CUX2: variants seen among roughly 807,000 people sequenced by gnomAD.
The protein encoded by CUX2 is homeobox protein cut-like 2.
CUX2 carries 40 observed loss-of-function variants against 144.8 expected under a neutral mutation model. The observed-to-expected ratio is 0.28, with a 90% CI of 0.21 to 0.36. CUX2 has a LOEUF of 0.36. CUX2 is among the 10% of genes least tolerant of loss of function. CUX2 has a pLI of 1.00. For synonymous variants in CUX2, 827 were observed against 875.6 expected, an observed-to-expected ratio of 0.94 and a Z score of 0.98; for missense variants, 1,615 against 1,994.0, an observed-to-expected ratio of 0.81 and a Z score of 3.62.
intron 1 of CUX2, among the ~76,000 whole-genome samples, chr12:111,128,285 G>A (rs917799138): frequency 5.3e-5 from 8 of 152,162 alleles, no homozygotes; most frequent in Non-Finnish European, 1.2e-4. Flanking sequence ...TCCCTTCACC[G>A]CAGTCCTTCA....
chr12:111,286,625 C>T (rs544056201), intron 4 of CUX2, among the ~76,000 whole-genome samples: 5 of 152,086 alleles, frequency 3.3e-5, no homozygotes, highest in South Asian at 4.2e-4. Context: ...GTAATTCTAG[C>T]GCATTGGGAG....
At chr12:111,325,160 G>A (rs1171551952) in intron 18 of CUX2, among the ~76,000 whole-genome samples, 1 of 152,036 alleles carries the variant, frequency 6.6e-6, no homozygotes, top group East Asian at 1.9e-4. Flanking sequence ...CGGGCGTGGT[G>A]GCAGGCGCCT....
At chr12:111,217,307 G>A (rs1200844732) in intron 2 of CUX2, among the ~76,000 whole-genome samples, 2 of 152,222 alleles carry the variant, frequency 1.3e-5, no homozygotes, top group South Asian at 2.1e-4. Context: ...GAAACTGCAC[G>A]TTCTGGTGAG....
At chr12:111,276,440 G>A (rs972752801) in intron 4 of CUX2, among the ~76,000 whole-genome samples, 3 of 152,178 alleles carry the variant, frequency 2.0e-5, no homozygotes, top group Non-Finnish European at 4.4e-5. Context: ...CACAGCAGAA[G>A]TTATAAAGGG....
intron 1 of CUX2, among the ~76,000 whole-genome samples, chr12:111,095,145 G>A (rs2136059982): frequency 1.3e-5 from 2 of 152,270 alleles, no homozygotes; most frequent in South Asian, 4.1e-4. Context: ...TTTTCCTGGG[G>A]TGGGAACAGC....
At position 111,088,655 on chromosome 12, in the gene CUX2, G is replaced by C. The variant is rs1409492904; in HGVS notation, c.63+54415G>C. On this transcript the variant is annotated intron_variant, in intron 1 of 21. Coordinates refer to ENST00000261726, the MANE Select transcript of CUX2 (RefSeq NM_015267.4). ...ATTTTTCAGAGAAGGAAAAGGCTCA[G>C]AGAGCTTAAGGGACTTGTCTGAAGA... Among the ~76,000 whole-genome samples the C allele has an allele frequency of 1.3e-5, 2 of 152,204 alleles. 1 individual carries two copies. The highest frequency in any genetic ancestry group is 2.9e-5 in the Non-Finnish European group (2 of 68,042).
intron 3 of CUX2, among the ~76,000 whole-genome samples, chr12:111,237,226 T>C (rs1380131324): frequency 6.6e-6 from 1 of 152,104 alleles, no homozygotes; most frequent in Non-Finnish European, 1.5e-5. Context: ...ATTATATCCA[T>C]CCCCCATCAC....
intron 1 of CUX2, among the ~76,000 whole-genome samples, chr12:111,060,317 C>T (rs531431040): frequency 1.3e-5 from 2 of 152,352 alleles, no homozygotes; most frequent in African/African-American, 4.8e-5. Flanking sequence ...TGTCTTACAT[C>T]CAGACTTGGC....
chr12:111,130,209 C>T (rs1875378076), intron 1 of CUX2, among the ~76,000 whole-genome samples: 2 of 152,324 alleles, frequency 1.3e-5, no homozygotes, highest in Admixed American at 6.5e-5. Flanking sequence ...TCAAAGGGTT[C>T]TGGGTCTATA....
chr12:111,257,712 C>T (rs997067925), intron 3 of CUX2, among the ~76,000 whole-genome samples: 1 of 140,790 alleles, frequency 7.1e-6, no homozygotes, highest in Non-Finnish European at 1.6e-5. Flanking sequence ...CCTCATTCTC[C>T]ATCTTCCTCC....
intron 1 of CUX2, among the ~76,000 whole-genome samples, chr12:111,152,911 C>G (rs1372474789): frequency 6.6e-6 from 1 of 152,188 alleles, no homozygotes; most frequent in Admixed American, 6.5e-5. Flanking sequence ...TTCTGGGAAA[C>G]AGAACCAAAG....
chr12:111,210,846 C>G (rs933569572), intron 1 of CUX2, among the ~76,000 whole-genome samples: 4 of 151,822 alleles, frequency 2.6e-5, no homozygotes, highest in Non-Finnish European at 5.9e-5. Context: ...CTTTACACAT[C>G]CATATCATTT....
At chr12:111,184,596 A>AT in intron 1 of CUX2, among the ~76,000 whole-genome samples, 1 of 150,818 alleles carries the variant, frequency 6.6e-6, no homozygotes, top group East Asian at 1.9e-4. Flanking sequence ...AAAAAAAAAA[A>AT]AAACAGAAAA....
rs145051500 is a variant in CUX2 at position 111,252,461 on chromosome 12, G to A, written c.223-11300G>A. Among the ~76,000 whole-genome samples, 8 of 152,230 alleles carry A rather than the reference G, an allele frequency of 5.3e-5. No homozygotes were observed. The East Asian group carries it at 1.5e-3, about 29-fold the overall frequency. ...CAAGACAAGTGCTGGGACTTCTGGG[G>A]CACATCCTGGGCCTCTGTCCCCTCC... On this transcript the variant is annotated intron_variant, in intron 3 of 21. Coordinates refer to ENST00000261726, the MANE Select transcript of CUX2 (RefSeq NM_015267.4).
Position 111,320,286 on chromosome 12 carries a change from C to G in CUX2, c.2277C>G (p.Leu759=), listed in dbSNP as rs1313395324. Residue 759 remains leucine (L), a synonymous_variant, in exon 17 of 22, where the codon CTC becomes CTG. Transcript: ENST00000261726. This position sits in a 1 kb window ranked among gnomAD's most constrained non-coding sequence, Gnocchi z 8.1. The part of the protein sequence containing the change: ...EGSGGPAQAP[L]PVLSPAAFVQ... ...GCGGGGGCCCCGCGCAGGCGCCGCT[C>G]CCGGTCCTGTCCCCCGCCGCCTTCG... 3 of 1,596,686 alleles carry G rather than the reference C, an allele frequency of 1.9e-6. No homozygotes were observed. The South Asian group carries it at 3.3e-5, about 18-fold the overall frequency.
chr12:111,266,467 T>C (rs1884393906), intron 4 of CUX2, among the ~76,000 whole-genome samples: 1 of 130,946 alleles, frequency 7.6e-6, no homozygotes, highest in Non-Finnish European at 1.5e-5. Context: ...CAAGACCCTG[T>C]CTCAACAAAA....
At chr12:111,296,858 G>A (rs1886027671) in intron 8 of CUX2, among the ~76,000 whole-genome samples, 1 of 84,124 alleles carries the variant, frequency 1.2e-5, no homozygotes, top group Non-Finnish European at 2.4e-5. Context: ...CCACCCTCTG[G>A]CCATCCCAGA....
At chr12:111,066,646 A>G (rs549993673) in intron 1 of CUX2, among the ~76,000 whole-genome samples, 1 of 152,326 alleles carries the variant, frequency 6.6e-6, no homozygotes, top group East Asian at 1.9e-4. Context: ...GCTAGAGGAC[A>G]CCACCCCATG....
chr12:111,128,409 T>G (rs1194145808), intron 1 of CUX2, among the ~76,000 whole-genome samples: 1 of 152,180 alleles, frequency 6.6e-6, no homozygotes, highest in African/African-American at 2.4e-5. Context: ...GAATTCCCCA[T>G]GAGGCCATAG....
Sources: gnomAD v4.1 joint callset for allele counts (sites outside exome capture counted in the v4.1 genomes callset) on GRCh38, gnomAD v4.1.1 for gene constraint, Gnocchi (gnomAD v3.1) non-coding constraint, MANE v1.5 for transcripts, NCBI Gene and HGNC (gene_info 2026-07-23, HGNC 2026-07-21) for gene names.